The following KLK12 variants were observed in gnomAD, a reference collection of about 807,000 sequenced individuals.
KLK12 encodes kallikrein-12.
A neutral mutation model predicts 20.0 loss-of-function variants in KLK12; 23 were observed. The ratio of observed to expected loss-of-function variants is 1.15; its 90% CI spans 0.83 to 1.63. The LOEUF (loss-of-function observed/expected upper bound fraction) is 1.63. KLK12 is among the 40% of genes most tolerant of loss of function. KLK12 has a pLI of 0.00. For missense variants in KLK12, 351 were observed against 338.6 expected (o/e 1.04, Z -0.29); for synonymous variants, 147 against 141.9 (o/e 1.04, Z -0.25).
chr19:51,033,928 A>C, intron 3 of KLK12, 52 bp downstream of exon 3: 1 of 1,555,498 alleles, frequency 6.4e-7, no homozygotes, highest in Non-Finnish European at 8.8e-7. Context: ...TCCTACCCCC[A>C]GCGCTTGCCT....
intron 2 of KLK12, 169 bp downstream of exon 2, chr19:51,034,416 G>A: frequency 1.4e-6 from 2 of 1,465,536 alleles, no homozygotes; most frequent in Non-Finnish European, 1.8e-6. Context: ...AGACCGAGGT[G>A]AGCAGTACCC....
chr19:51,031,697 T>G, intron 4 of KLK12, 179 bp downstream of exon 4: 2 of 762,428 alleles, frequency 2.6e-6, no homozygotes, highest in South Asian at 3.1e-5. Context: ...TTTAACCCCT[T>G]TGGCTCCCAA....
At chr19:51,033,010 T>G (rs532706542) in intron 3 of KLK12, among the ~76,000 whole-genome samples, 119 of 151,736 alleles carry the variant, frequency 7.8e-4, no homozygotes, top group Non-Finnish European at 1.2e-3. Flanking sequence ...GCTGAGGAGT[T>G]TGAGACCAGC....
chr19:51,033,033 G>A (rs1230708381), intron 3 of KLK12, among the ~76,000 whole-genome samples: 2 of 151,690 alleles, frequency 1.3e-5, no homozygotes, highest in Admixed American at 1.3e-4. Context: ...GGGTAACATA[G>A]CAAAACCCTG....
intron 5 of KLK12, among the ~76,000 whole-genome samples, 191 bp downstream of exon 5, chr19:51,030,597 G>A (rs1229058346): frequency 6.6e-6 from 1 of 151,886 alleles, no homozygotes; most frequent in Non-Finnish European, 1.5e-5. Flanking sequence ...TGATCCGCCC[G>A]CCTCGGCCTC....
At chr19:51,033,752 C>A in intron 3 of KLK12, 2 of 598,892 alleles carry the variant, frequency 3.3e-6, no homozygotes, top group South Asian at 3.9e-5. Flanking sequence ...ATGGGAGAGG[C>A]AGGAGGGCAG....
chr19:51,032,111 T>C lies in KLK12; in HGVS notation c.222A>G (p.Glu74=). ...SGSRYWVRLG[E]HSLSQLDWTE... ...TCCAGTCGAGCTGGCTGAGGCTGTG[T>C]TCCCCCAGGCGCACCCAGTACCTGC... The change falls in exon 4 of 6, where the codon GAA becomes GAG. Residue 74 remains glutamate, a synonymous_variant. Coordinates refer to ENST00000684732, the MANE Select transcript of KLK12 (RefSeq NM_001370125.1). 6.2e-7 allele frequency: 1 copy of C among 1,603,600 alleles called. No individual in the cohort carries two copies. The highest frequency in any genetic ancestry group is 8.5e-7 in the Non-Finnish European group (1 of 1,177,952).
intron 5 of KLK12, chr19:51,030,179 GTC>G (rs1388346054): frequency 1.9e-5 from 3 of 154,396 alleles, no homozygotes; most frequent in Non-Finnish European, 4.4e-5. Flanking sequence ...CTGTTTTGCT[GTC>G]TCTCTCTGTA....
intron 4 of KLK12, among the ~76,000 whole-genome samples, chr19:51,031,563 C>T (rs2091557182): frequency 7.1e-6 from 1 of 140,480 alleles, no homozygotes; most frequent in Admixed American, 7.3e-5. Flanking sequence ...AACCCCAGAC[C>T]CATGACCCAC....
Position 51,034,073 on chromosome 19 carries a change from C to T in KLK12, c.104G>A (p.Trp35Ter). 6.3e-7 allele frequency: 1 copy of T among 1,578,844 alleles called. No individual in the cohort carries two copies. Among genetic ancestry groups the T allele is most frequent in the Non-Finnish European group, 8.6e-7 (1 of 1,161,812 alleles). ...GGTGCCCTCAAACAGCCCCACCTGC[C>T]ACGGCTGTGAGTTACGCCCACACTC... ...GTECGRNSQP[W>*]QVGLFEGTSL... Residue 35 changes from tryptophan to a stop codon, truncating the protein, a stop_gained, in exon 3 of 6, where the codon TGG (tryptophan) becomes TAG (stop). Transcript: ENST00000684732. LOFTEE classifies it high-confidence loss of function.
intron 2 of KLK12, 83 bp downstream of exon 2, chr19:51,034,502 A>C: frequency 2.6e-6 from 4 of 1,563,028 alleles, no homozygotes; most frequent in Non-Finnish European, 3.5e-6. Flanking sequence ...CAGAGCTGAG[A>C]TGGGGAGGGT....
At chr19:51,031,595 C>CATACATAT (rs6146546) in intron 4 of KLK12, among the ~76,000 whole-genome samples, 9 of 120,480 alleles carry the variant, frequency 7.5e-5, no homozygotes, top group South Asian at 2.8e-4. Flanking sequence ...CCTATACATA[C>CATACATAT]ATATATATAT....
In KLK12 at chr19:51,031,994, C is replaced by G; in HGVS notation, c.339G>C (p.Arg113=). ...TGGTTACGCGGACGGGCAGGCGCAG[C>G]CGCAGCAGCCGGAGGTCGTGCTCGT... The part of the protein sequence containing the change: ...TSHEHDLRLL[R]LRLPVRVTSS... The change falls in exon 4 of 6, where the codon CGG becomes CGC. Residue 113 remains arginine, a synonymous_variant. Coordinates refer to ENST00000684732, the MANE Select transcript of KLK12 (RefSeq NM_001370125.1). 1 of 1,612,788 alleles carries G rather than the reference C, an allele frequency of 6.2e-7. No homozygotes were observed. The highest frequency in any genetic ancestry group is 8.5e-7 in the Non-Finnish European group (1 of 1,179,710).
chr19:51,029,208 T>G lies in KLK12; in HGVS notation c.*94A>C, dbSNP rs2091523920. 2 of 1,609,002 alleles carry G rather than the reference T, an allele frequency of 1.2e-6. No individual in the cohort carries two copies. Among genetic ancestry groups the G allele is most frequent in the African/African-American group, 1.4e-5 (1 of 72,766 alleles). ...CAAGAAGTTCCCAGGCCAACAAGAG[T>G]GGAGCTAGGGGAAGTGATGGAGGAG... On this transcript the variant is annotated 3_prime_UTR_variant, in exon 6 of 6. Transcript: ENST00000684732.
chr19:51,030,711 C>A, intron 5 of KLK12, 77 bp downstream of exon 5: 2 of 1,579,398 alleles, frequency 1.3e-6, no homozygotes, highest in Non-Finnish European at 1.7e-6. Context: ...CATCCTCCAT[C>A]AGTTCCCCTC....
chr19:51,034,806 C>A lies in KLK12; in HGVS notation c.-20G>T. ...TGGCAGTCGCCTACCTCCTTCTCAC[C>A]TTGTCTCTTTGTCTGCCAGATCCTC... On this transcript the variant is annotated splice_region_variant and 5_prime_UTR_variant, in exon 1 of 6. Coordinates refer to ENST00000684732, the MANE Select transcript of KLK12 (RefSeq NM_001370125.1). 1 of 1,469,700 alleles carries A rather than the reference C, an allele frequency of 6.8e-7. No homozygotes were observed. Among genetic ancestry groups the A allele is most frequent in the Non-Finnish European group, 9.0e-7 (1 of 1,110,726 alleles). 91.0% of individuals were successfully genotyped at this position (1,469,700 alleles called of 1,614,324 possible).
Position 51,034,116 on chromosome 19 carries a change from T to C in KLK12, c.61A>G (p.Lys21Glu), listed in dbSNP as rs759730337. Reference protein sequence around the residue: ...VLGLSQAATPKIFNGTECGRN... With the variant: ...VLGLSQAATPEIFNGTECGRN... The stretch of plus-strand genomic sequence containing the variant: ...CCACACTCAGTGCCATTGAAAATCT[T>C]CGGTGTGGCTGCCTGGCTGAGCCCT... The change falls in exon 3 of 6, where the codon AAG becomes GAG. Residue 21 changes from lysine (K) to glutamate (E), a missense_variant. Physicochemically the swap from Lys to Glu is moderately conservative, Grantham distance 56. Coordinates refer to ENST00000684732, the MANE Select transcript of KLK12 (RefSeq NM_001370125.1). 6 of 1,554,818 alleles carry C rather than the reference T, an allele frequency of 3.9e-6. No homozygotes were observed. Among genetic ancestry groups the C allele is most frequent in the Non-Finnish European group, 5.2e-6 (6 of 1,148,658 alleles).
chr19:51,029,782 A>G lies in KLK12; in HGVS notation c.592-325T>C, dbSNP rs112466304. ...TCTCAGGGGAGGCTGTCAAGACAAC[A>G]TAAAGAGTCGAGCATTCTCTCAAGG... On this transcript the variant is annotated intron_variant, in intron 5 of 5. Transcript: ENST00000684732. Among the ~76,000 whole-genome samples, 118 of 151,944 alleles carry G rather than the reference A, an allele frequency of 7.8e-4. 1 individual carries two copies. Among genetic ancestry groups the G allele is most frequent in the African/African-American group, 2.6e-3 (108 of 41,404 alleles).
chr19:51,029,605 T>C, intron 5 of KLK12, 148 bp from the exon 6 acceptor site: 2 of 689,246 alleles, frequency 2.9e-6, no homozygotes, highest in Non-Finnish European at 2.6e-6. Context: ...CGGAGGACAA[T>C]GGCAATGGCT....
Sources: gnomAD v4.1 joint callset for allele counts (sites outside exome capture counted in the v4.1 genomes callset) on GRCh38, gnomAD v4.1.1 for gene constraint, MANE v1.5 for transcripts, NCBI Gene and HGNC (gene_info 2026-07-23, HGNC 2026-07-21) for gene names.